LINGO1: variants seen among roughly 807,000 people sequenced by gnomAD.
LINGO1 encodes leucine rich repeat and Ig domain containing 1, also known as leucine-rich repeat and immunoglobulin-like domain-containing nogo receptor-interacting protein 1.
In LINGO1, 11 loss-of-function variants were observed where a neutral mutation model predicts 37.3. The ratio of observed to expected loss-of-function variants is 0.29; its 90% confidence interval spans 0.19 to 0.49. The LOEUF is 0.49. LINGO1 is among the 20% of genes least tolerant of loss of function. LINGO1 has a pLI of 0.99. For missense variants in LINGO1, 585 were observed against 878.2 expected (o/e 0.67, Z 4.22); for synonymous variants, 387 against 403.0 (o/e 0.96, Z 0.48).
At chr15:77,644,095 C>T (rs866895463) in intron 3 of LINGO1, among the ~76,000 whole-genome samples, 3 of 152,242 alleles carry the variant, frequency 2.0e-5, no homozygotes, top group South Asian at 2.1e-4. Context: ...GCTGGGGCAG[C>T]GGCATCTGCT....
chr15:77,711,890 G>GT (rs1251546034), intron 2 of LINGO1, among the ~76,000 whole-genome samples: 1 of 151,908 alleles, frequency 6.6e-6, no homozygotes, highest in South Asian at 2.1e-4. Context: ...CTGAGGGGGG[G>GT]GCACACAGCG....
chr15:77,806,519 G>A (rs927360614), intron 1 of LINGO1, among the ~76,000 whole-genome samples: 3 of 152,114 alleles, frequency 2.0e-5, no homozygotes, highest in African/African-American at 4.8e-5. Flanking sequence ...GTCCACAGGG[G>A]ATGGGCATCC....
intron 1 of LINGO1, among the ~76,000 whole-genome samples, chr15:77,810,269 CACACACACAT>C (rs1000923689): frequency 7.9e-6 from 1 of 126,598 alleles, no homozygotes; most frequent in African/African-American, 2.6e-5. Flanking sequence ...TGCACACACT[CACACACACAT>C]ACACAAGCAC....
intron 1 of LINGO1, among the ~76,000 whole-genome samples, chr15:77,631,652 A>C (rs546127195): frequency 6.6e-6 from 1 of 152,310 alleles, no homozygotes; most frequent in Non-Finnish European, 1.5e-5. Context: ...TCTGCCTTAG[A>C]ATGAAAAGTG....
chr15:77,767,692 A>T (rs543737799), intron 1 of LINGO1, among the ~76,000 whole-genome samples: 43 of 152,198 alleles, frequency 2.8e-4, no homozygotes, highest in Non-Finnish European at 5.6e-4. Flanking sequence ...GAGGAGTTGT[A>T]CTCAACTGGG....
intron 1 of LINGO1, among the ~76,000 whole-genome samples, chr15:77,748,892 TTTCC>T (rs1293131125): frequency 1.4e-5 from 2 of 138,666 alleles, no homozygotes; most frequent in Admixed American, 7.7e-5. Flanking sequence ...ATTTATTTAT[TTTCC>T]TTCCTTCCTT....
chr15:77,725,755 C>G (rs2076096048), intron 2 of LINGO1, among the ~76,000 whole-genome samples: 1 of 152,160 alleles, frequency 6.6e-6, no homozygotes, highest in African/African-American at 2.4e-5. Context: ...CTGGGAAAGC[C>G]AGGATGTGAG....
chr15:77,800,498 G>A (rs573681697), intron 1 of LINGO1, among the ~76,000 whole-genome samples: 126 of 152,254 alleles, frequency 8.3e-4, no homozygotes, highest in African/African-American at 2.8e-3. Flanking sequence ...GAGCATGGAC[G>A]GATGGGGCCA....
intron 1 of LINGO1, among the ~76,000 whole-genome samples, chr15:77,625,641 G>C (rs2074065220): frequency 6.6e-6 from 1 of 152,208 alleles, no homozygotes; most frequent in Non-Finnish European, 1.5e-5. Flanking sequence ...ACTGATTAGA[G>C]AACTGAGGCG....
chr15:77,746,310 C>T (rs2076314531), intron 1 of LINGO1, among the ~76,000 whole-genome samples: 1 of 151,678 alleles, frequency 6.6e-6, no homozygotes, highest in South Asian at 2.1e-4. Flanking sequence ...GTATAAACAA[C>T]ATGAGTATAA....
intron 3 of LINGO1, among the ~76,000 whole-genome samples, chr15:77,661,004 G>T (rs578262283): frequency 6.6e-6 from 1 of 152,146 alleles, no homozygotes; most frequent in Non-Finnish European, 1.5e-5. Flanking sequence ...AGTGGAAAAT[G>T]AAGGCCTTCA....
chr15:77,652,771 G>A (rs1274646877), intron 3 of LINGO1, among the ~76,000 whole-genome samples: 2 of 152,178 alleles, frequency 1.3e-5, no homozygotes, highest in Non-Finnish European at 2.9e-5. Flanking sequence ...CAGTGCGGGA[G>A]GAGGGAAGGA....
chr15:77,669,889 T>C (rs936944770), intron 3 of LINGO1, among the ~76,000 whole-genome samples: 3 of 152,168 alleles, frequency 2.0e-5, no homozygotes, highest in African/African-American at 7.2e-5. Flanking sequence ...TGAAAACACT[T>C]GTGCACAAAT....
At chr15:77,767,104 C>G (rs2076537702) in intron 1 of LINGO1, among the ~76,000 whole-genome samples, 1 of 152,082 alleles carries the variant, frequency 6.6e-6, no homozygotes, top group South Asian at 2.1e-4. Flanking sequence ...TTTTCCAGAG[C>G]AAAAAACATG....
intron 1 of LINGO1, among the ~76,000 whole-genome samples, chr15:77,761,776 C>A (rs980117446): frequency 6.6e-6 from 1 of 152,224 alleles, no homozygotes; most frequent in Non-Finnish European, 1.5e-5. Flanking sequence ...AGCCTCTCTG[C>A]AAGGCTCTCC....
At chr15:77,671,375 G>A (rs2075246052) in intron 3 of LINGO1, among the ~76,000 whole-genome samples, 1 of 152,218 alleles carries the variant, frequency 6.6e-6, no homozygotes. Context: ...GAGAAGAAAA[G>A]AGGTGGGGCG....
intron 2 of LINGO1, among the ~76,000 whole-genome samples, chr15:77,704,309 G>C (rs750527548): frequency 6.6e-6 from 1 of 152,136 alleles, no homozygotes; most frequent in Non-Finnish European, 1.5e-5. Flanking sequence ...CTGCCCCTGA[G>C]GCTACACATA....
At chr15:77,725,724 T>C (rs1050629003) in intron 2 of LINGO1, among the ~76,000 whole-genome samples, 1 of 152,134 alleles carries the variant, frequency 6.6e-6, no homozygotes, top group Non-Finnish European at 1.5e-5. Context: ...CTGTGAGAGG[T>C]AGAGCCTGCA....
intron 3 of LINGO1, among the ~76,000 whole-genome samples, chr15:77,668,358 A>C (rs561079304): frequency 2.0e-4 from 31 of 152,316 alleles, no homozygotes; most frequent in African/African-American, 6.3e-4. Flanking sequence ...AGCTTGACTC[A>C]AATGTGTAGT....
Sources: allele counts gnomAD v4.1 joint callset (sites outside exome capture counted in the v4.1 genomes callset), GRCh38; gene constraint gnomAD v4.1.1; transcripts MANE v1.5; gene names NCBI Gene and HGNC (gene_info 2026-07-23, HGNC 2026-07-21).